Variants in FOXP3 observed in about 807,000 individuals in gnomAD.
FOXP3 encodes the protein forkhead box P3.
In FOXP3, 5 loss-of-function variants were observed where a neutral mutation model predicts 31.2. That is an observed-to-expected ratio of 0.16 (90% CI 0.08 to 0.34). The LOEUF (loss-of-function observed/expected upper bound fraction) is 0.34. FOXP3 is among the 10% of genes least tolerant of loss of function. The pLI is 1.00. For missense variants in FOXP3, 251 were observed against 363.0 expected, an observed-to-expected ratio of 0.69 and a Z score of 2.51; for synonymous variants, 141 against 148.8, an observed-to-expected ratio of 0.95 and a Z score of 0.38.
At chrX:49,255,646 C>A in intron 7 of FOXP3, 69 bp downstream of exon 7, 1 of 1,141,778 alleles carries the variant, frequency 8.8e-7, no homozygotes, top group Non-Finnish European at 1.2e-6. Context: ...AACTTGGTTT[C>A]TGGCACATGG....
rs782088695 is a variant in FOXP3 at position 49,251,345 on chromosome X, G to A, written c.1285C>T (p.Pro429Ser). Residue 429 changes from proline (P) to serine (S), a missense_variant, in exon 12 of 12, where the codon CCT becomes TCT. This residue lies in a region of FOXP3 where 36 missense variants were observed against 88.1 expected (regional missense o/e 0.41). Coordinates refer to ENST00000376207, the MANE Select transcript of FOXP3 (RefSeq NM_014009.4). Reference sequence around the variant, plus strand: ...CCTTGATCTTGAGGTCAGGGGCCAGGTGTAGGGTTGGAACACCTGCTGGGC... The same window carrying A: ...CCTTGATCTTGAGGTCAGGGGCCAGATGTAGGGTTGGAACACCTGCTGGGC... ...QRPSRCSNPT[P>S]GP 1.5e-5 allele frequency: 18 copies of A among 1,209,612 alleles called. No individual in the cohort carries two copies. The highest frequency in any genetic ancestry group is 8.8e-5 in the South Asian group (5 of 56,505).
Position 49,257,631 on chromosome X carries a change from G to A in FOXP3, c.315+33C>T, listed in dbSNP as rs782457232. The A allele has an allele frequency of 6.8e-6, 8 of 1,179,593 alleles. No homozygotes were observed. In the East Asian group the frequency reaches 1.6e-4, roughly 23 times the overall value. On this transcript the variant is annotated intron_variant, in intron 3 of 11. Coordinates refer to ENST00000376207, the MANE Select transcript of FOXP3 (RefSeq NM_014009.4). ...GCCCCTCCCCACAGTTCTCCCACCT[G>A]CTCCCTCCTCCCTGCCCATTCACCG...
intron 7 of FOXP3, 74 bp from the exon 8 acceptor site, chrX:49,255,583 C>T (rs1019952247): frequency 9.1e-7 from 1 of 1,104,094 alleles, no homozygotes; most frequent in Non-Finnish European, 1.2e-6. Flanking sequence ...TACGGTCTTC[C>T]CTGGGAGTGC....
At chrX:49,258,263 C>G (rs1216048721) in intron 2 of FOXP3, 33 bp downstream of exon 2, 15 of 1,112,299 alleles carry the variant, frequency 1.3e-5, no homozygotes, top group African/African-American at 1.8e-5. Context: ...GGTACCCCAC[C>G]CTGCCTGCCC....
intron 1 of FOXP3, among the ~76,000 whole-genome samples, chrX:49,259,628 G>T (rs1256501199): frequency 9.0e-6 from 1 of 110,501 alleles, no homozygotes; most frequent in African/African-American, 3.3e-5. Flanking sequence ...CAATGGCTCC[G>T]GGCCCCCTGC....
Position 49,251,168 on chromosome X carries a change from G to T in FOXP3, c.*166C>A, listed in dbSNP as rs1434695379. On this transcript the variant is annotated 3_prime_UTR_variant, in exon 12 of 12. Coordinates refer to ENST00000376207, the MANE Select transcript of FOXP3 (RefSeq NM_014009.4). Reference sequence around the variant, plus strand: ...GGGGCAAAGGATATGATGGGGGAGGGGGTGGCTGCCAGCGGGGGAACAGGG... The same window carrying T: ...GGGGCAAAGGATATGATGGGGGAGGTGGTGGCTGCCAGCGGGGGAACAGGG... The T allele has an allele frequency of 4.7e-6, 3 of 634,273 alleles. No homozygotes were observed. The highest frequency in any genetic ancestry group is 4.5e-5 in the African/African-American group (2 of 44,363). 52.3% of individuals were successfully genotyped at this position (634,273 alleles called of 1,213,427 possible). A position where few individuals can be genotyped will look rare whatever the true frequency, so the allele number is the denominator to read the frequency against.
chrX:49,257,275 C>T (rs182597469), intron 4 of FOXP3, 152 bp downstream of exon 4: 18 of 754,364 alleles, frequency 2.4e-5, no homozygotes, highest in African/African-American at 2.1e-4. Flanking sequence ...CTGCACCTGA[C>T]GTTTTTTGGA....
At chrX:49,260,729 T>C (rs1439354117) in intron 1 of FOXP3, among the ~76,000 whole-genome samples, 2 of 112,996 alleles carry the variant, frequency 1.8e-5, no homozygotes, top group African/African-American at 6.4e-5. Flanking sequence ...TATGTTTTCA[T>C]ATCGGGGTCT....
chrX:49,260,636 G>A (rs782291553), intron 1 of FOXP3, among the ~76,000 whole-genome samples: 1 of 112,529 alleles, frequency 8.9e-6, no homozygotes, highest in South Asian at 3.6e-4. Context: ...CTGGGCAGCC[G>A]GCTTCCTGCA....
In FOXP3 at chrX:49,256,858, G is replaced by A. The variant is rs1557116438; in HGVS notation, c.543-3C>T. ...TCTGGGGCACAGCCGAAAGGGTGCT[G>A]GGGGGACAGAGGGTGTCAGGGGAGG... On this transcript the variant is annotated splice_region_variant and splice_polypyrimidine_tract_variant and intron_variant, in intron 5 of 11. Coordinates refer to ENST00000376207, the MANE Select transcript of FOXP3 (RefSeq NM_014009.4). The A allele has an allele frequency of 8.3e-7, 1 of 1,210,202 alleles. No homozygotes were observed. The highest frequency in any genetic ancestry group is 1.1e-6 in the Non-Finnish European group (1 of 893,652).
In FOXP3 at chrX:49,261,304, G is replaced by T. The variant is rs1229132226; in HGVS notation, c.-22-2777C>A. ...CTTGCCTACCAGGCCTGGAAACAGA[G>T]CCAGCCTCCCTAGGGCCTCAGTCTC... On this transcript the variant is annotated intron_variant, in intron 1 of 11. Coordinates refer to ENST00000376207, the MANE Select transcript of FOXP3 (RefSeq NM_014009.4). 2.7e-5 allele frequency among the ~76,000 whole-genome samples: 3 copies of T among 112,359 alleles called. No homozygotes were observed. In the Admixed American group the frequency reaches 2.8e-4, roughly 10 times the overall value.
At chrX:49,254,141 AT>A (rs1249371853) in intron 8 of FOXP3, 74 bp from the exon 9 acceptor site, 25 of 1,081,233 alleles carry the variant, frequency 2.3e-5, no homozygotes, top group South Asian at 4.3e-5. Context: ...TATGTTTTTT[AT>A]TTTTTTTGAT....
At position 49,258,420 on chromosome X, in the gene FOXP3, G is replaced by T; in HGVS notation, c.86C>A (p.Ala29Glu). The T allele has an allele frequency of 2.5e-6, 3 of 1,181,855 alleles. No individual in the cohort carries two copies. Among genetic ancestry groups the T allele is most frequent in the Non-Finnish European group, 3.4e-6 (3 of 879,602 alleles). ...SPGASPSWRAAPKASDLLGAR... is the reference protein window; with the variant it reads ...SPGASPSWRAEPKASDLLGAR... ...CCCCAGCAGGTCTGAGGCTTTGGGT[G>T]CAGCCCTCCAGCTGGGCGAGGCTCC... Residue 29 changes from alanine to glutamate, a missense_variant, in exon 2 of 12, where the codon GCA (alanine) becomes GAA (glutamate). Coordinates refer to ENST00000376207, the MANE Select transcript of FOXP3 (RefSeq NM_014009.4).
intron 9 of FOXP3, among the ~76,000 whole-genome samples, chrX:49,253,420 C>T (rs147453290): frequency 2.7e-4 from 31 of 112,877 alleles, no homozygotes; most frequent in East Asian, 2.2e-3. Flanking sequence ...TGAAAAGAAG[C>T]GGAGTAACTT....
chrX:49,253,724 G>A (rs1383606886), intron 9 of FOXP3, among the ~76,000 whole-genome samples, 193 bp downstream of exon 9: 2 of 112,013 alleles, frequency 1.8e-5, no homozygotes, highest in Admixed American at 9.4e-5. Context: ...GACCATATGG[G>A]GGGCTTTCAG....
At chrX:49,254,748 C>T (rs1204144350) in intron 8 of FOXP3, among the ~76,000 whole-genome samples, 4 of 111,296 alleles carry the variant, frequency 3.6e-5, no homozygotes, top group South Asian at 3.8e-4. Flanking sequence ...GCTTCATGGG[C>T]GTGTGACCTA....
chrX:49,254,178 C>CT, intron 8 of FOXP3, 111 bp from the exon 9 acceptor site: 3 of 937,609 alleles, frequency 3.2e-6, no homozygotes, highest in Non-Finnish European at 4.3e-6. Context: ...GTCGCCCAGG[C>CT]TGGAGTGCAG....
chrX:49,257,801 C>T (rs1557116631), intron 2 of FOXP3, 33 bp from the exon 3 acceptor site: 2 of 1,061,271 alleles, frequency 1.9e-6, no homozygotes, highest in Admixed American at 2.6e-5. Flanking sequence ...GAGAGGCCAT[C>T]CTGATCCTCA....
intron 1 of FOXP3, among the ~76,000 whole-genome samples, chrX:49,262,128 TGGAGA>T (rs1557117285): frequency 8.9e-6 from 1 of 112,215 alleles, no homozygotes; most frequent in African/African-American, 3.2e-5. Flanking sequence ...GACACATGCA[TGGAGA>T]GCCAGAGTGC....
Sources: allele counts gnomAD v4.1 joint callset (sites outside exome capture counted in the v4.1 genomes callset), GRCh38; gene constraint gnomAD v4.1.1; regional missense constraint gnomAD v4.1.1; transcripts MANE v1.5; gene names NCBI Gene and HGNC (gene_info 2026-07-23, HGNC 2026-07-21).